Variants in MTUS2 observed in about 807,000 individuals in gnomAD.
MTUS2 encodes the protein microtubule associated scaffold protein 2.
In MTUS2, 40 loss-of-function variants were observed where a neutral mutation model predicts 114.1. The observed-to-expected ratio is 0.35, with a 90% CI of 0.27 to 0.46. The LOEUF (loss-of-function observed/expected upper bound fraction) is 0.46. Ranked by LOEUF, MTUS2 falls within the 20% of genes least tolerant of loss-of-function variation. MTUS2 has a pLI of 1.00. For synonymous variants in MTUS2, 688 were observed against 672.0 expected (o/e 1.02, Z -0.37); for missense variants, 1,679 against 1,705.4 (o/e 0.98, Z 0.27).
intron 4 of MTUS2, among the ~76,000 whole-genome samples, chr13:29,091,622 A>G (rs896574113): frequency 1.3e-5 from 2 of 152,326 alleles, no homozygotes; most frequent in East Asian, 3.9e-4. Context: ...GTTGAGACAC[A>G]TAACCAGTTG....
chr13:29,359,186 G>A (rs961386986), intron 7 of MTUS2, 76 bp from the exon 8 acceptor site: 53 of 1,341,656 alleles, frequency 4.0e-5, no homozygotes, highest in Admixed American at 5.3e-5. Context: ...AACTCCTTGT[G>A]TAATAAGAAG....
intron 2 of MTUS2, among the ~76,000 whole-genome samples, chr13:28,914,402 G>GT (rs1880631297): frequency 6.6e-6 from 1 of 152,028 alleles, no homozygotes; most frequent in South Asian, 2.1e-4. Context: ...TAGTTTTGTG[G>GT]TTTTGAGTGA....
intron 2 of MTUS2, among the ~76,000 whole-genome samples, chr13:28,928,461 C>T (rs956786893): frequency 1.3e-5 from 2 of 152,154 alleles, no homozygotes; most frequent in African/African-American, 4.8e-5. Flanking sequence ...AGACATTTCT[C>T]AAAAGAAGAC....
At chr13:29,061,615 A>G (rs914989651) in intron 4 of MTUS2, among the ~76,000 whole-genome samples, 1 of 151,910 alleles carries the variant, frequency 6.6e-6, no homozygotes, top group African/African-American at 2.4e-5. Context: ...TGTATCTTCA[A>G]CTTACCATGA....
At chr13:29,132,329 G>A (rs573238374) in intron 5 of MTUS2, among the ~76,000 whole-genome samples, 10 of 152,230 alleles carry the variant, frequency 6.6e-5, no homozygotes, top group African/African-American at 2.4e-4. Context: ...ACCTAATTAA[G>A]CTTTCTATAG....
At chr13:28,917,742 G>A (rs2984449) in intron 2 of MTUS2, among the ~76,000 whole-genome samples, 28,920 of 151,286 alleles carry the variant, frequency 0.19, 4,319 homozygotes, top group African/African-American at 0.42. Flanking sequence ...TTTAATCTTT[G>A]TTATTTAGTC....
intron 9 of MTUS2, among the ~76,000 whole-genome samples, chr13:29,475,942 C>T (rs1880670643): frequency 6.6e-6 from 1 of 152,120 alleles, no homozygotes; most frequent in Non-Finnish European, 1.5e-5. Context: ...GTCGTAGGCC[C>T]TCACATTCAC....
Position 28,972,137 on chromosome 13 carries a change from C to T in MTUS2, c.-242-52320C>T, listed in dbSNP as rs115410006. 7.5e-3 allele frequency among the ~76,000 whole-genome samples: 1,137 copies of T among 152,222 alleles called. 15 individuals carry two copies. The highest frequency in any genetic ancestry group is 0.026 in the African/African-American group (1,078 of 41,538). ...AAGAAATATTTTGCGTAGATCAAAG[C>T]CATTTTGAATACTTCTCAGCATCTT... is the stretch of plus-strand genomic sequence containing the variant. On this transcript the variant is annotated intron_variant, in intron 2 of 15. Transcript: ENST00000612955.
At chr13:29,060,206 C>G (rs1338830306) in intron 4 of MTUS2, among the ~76,000 whole-genome samples, 2 of 152,232 alleles carry the variant, frequency 1.3e-5, no homozygotes, top group African/African-American at 2.4e-5. Context: ...CTAGTCTTCT[C>G]TGGGGACCAA....
intron 2 of MTUS2, among the ~76,000 whole-genome samples, chr13:28,910,137 A>G (rs1880317302): frequency 6.6e-6 from 1 of 151,968 alleles, no homozygotes; most frequent in Non-Finnish European, 1.5e-5. Context: ...TTCTATTTTT[A>G]TTTTATATCT....
rs1873014913 is a variant in MTUS2, at chr13:29,389,472, T to TATATACAC, written c.3117+29999_3117+30000insATATACAC. 1.4e-5 allele frequency among the ~76,000 whole-genome samples: 2 copies of TATATACAC among 144,290 alleles called. 1 individual carries two copies. Among genetic ancestry groups the TATATACAC allele is most frequent in the African/African-American group, 5.1e-5 (2 of 38,846 alleles). The allele number at this position is 144,290 out of a possible 152,430, so 94.7% of individuals were successfully genotyped here. On this transcript the variant is annotated intron_variant, in intron 8 of 15. Coordinates refer to ENST00000612955, the MANE Select transcript of MTUS2 (RefSeq NM_001033602.4). ...GTATACACGTGTGTGTATGTGTATA[T>TATATACAC]GTATACACGTGTGTGTATGTGTATA...
intron 4 of MTUS2, among the ~76,000 whole-genome samples, chr13:29,092,447 C>CTTTGGGTAGGGACCACT (rs1566003618): frequency 6.6e-6 from 1 of 152,032 alleles, no homozygotes; most frequent in Non-Finnish European, 1.5e-5. Flanking sequence ...TAGGGACCAC[C>CTTTGGGTAGGGACCACT]CTCGCATCCC....
chr13:29,058,567 T>TA, intron 4 of MTUS2, among the ~76,000 whole-genome samples: 1 of 3,382 alleles, frequency 3.0e-4, no homozygotes, highest in Non-Finnish European at 1.9e-3. Flanking sequence ...AGGTTGATGC[T>TA]TTTTTTTTTT....
chr13:29,309,890 A>G (rs952366082), intron 6 of MTUS2, among the ~76,000 whole-genome samples: 7 of 152,138 alleles, frequency 4.6e-5, no homozygotes, highest in African/African-American at 1.7e-4. Context: ...CCATCACCTC[A>G]AGCATTTATC....
chr13:29,425,600 G>A (rs1876454915), intron 8 of MTUS2, among the ~76,000 whole-genome samples: 1 of 152,118 alleles, frequency 6.6e-6, no homozygotes, highest in South Asian at 2.1e-4. Flanking sequence ...CCTTGATGAC[G>A]GTTGAACCTG....
At chr13:29,479,182 C>G (rs1041621153) in intron 9 of MTUS2, among the ~76,000 whole-genome samples, 2 of 152,202 alleles carry the variant, frequency 1.3e-5, no homozygotes, top group African/African-American at 2.4e-5. Context: ...CTCCCCAGTT[C>G]GTAGCACAGA....
chr13:29,245,458 G>A (rs970627186), intron 5 of MTUS2, among the ~76,000 whole-genome samples: 8 of 152,120 alleles, frequency 5.3e-5, no homozygotes, highest in Admixed American at 3.3e-4. Context: ...CCAAAGTCTG[G>A]CATTGAGTAA....
At chr13:28,986,268 T>C (rs1884581686) in intron 2 of MTUS2, among the ~76,000 whole-genome samples, 1 of 152,148 alleles carries the variant, frequency 6.6e-6, no homozygotes, top group South Asian at 2.1e-4. Flanking sequence ...AGGTGTCCAG[T>C]ACACATCTGG....
chr13:29,415,279 A>ATATAGC (rs1470086443), intron 8 of MTUS2, among the ~76,000 whole-genome samples: 1 of 152,196 alleles, frequency 6.6e-6, no homozygotes, highest in African/African-American at 2.4e-5. Context: ...AAAGTTCAAT[A>ATATAGC]TATAGCTATA....
Sources: gnomAD v4.1 joint callset for allele counts (sites outside exome capture counted in the v4.1 genomes callset) on GRCh38, gnomAD v4.1.1 for gene constraint, MANE v1.5 for transcripts, NCBI Gene and HGNC (gene_info 2026-07-23, HGNC 2026-07-21) for gene names.